The following USP3 variants were observed in gnomAD, a reference collection of about 807,000 sequenced individuals.
The protein encoded by USP3 is ubiquitin specific peptidase 3.
In USP3, 20 loss-of-function variants were observed where a neutral mutation model predicts 72.3. That is an observed-to-expected ratio of 0.28 (90% CI 0.19 to 0.40). The LOEUF is 0.40. USP3 is among the 10% of genes least tolerant of loss of function. The pLI is 1.00. For synonymous variants in USP3, 222 were observed against 225.3 expected, an observed-to-expected ratio of 0.99 and a Z score of 0.13; for missense variants, 479 against 633.9, an observed-to-expected ratio of 0.76 and a Z score of 2.62.
intron 11 of USP3, among the ~76,000 whole-genome samples, chr15:63,584,730 A>G (rs2067026730): frequency 6.6e-6 from 1 of 152,140 alleles, no homozygotes; most frequent in African/African-American, 2.4e-5. Flanking sequence ...GGTTCTCTTT[A>G]TAGTATCCCT....
intron 9 of USP3, among the ~76,000 whole-genome samples, chr15:63,571,456 A>G (rs2152678176): frequency 6.6e-6 from 1 of 152,354 alleles, no homozygotes; most frequent in South Asian, 2.1e-4. Context: ...ACTTCTCAAA[A>G]TGATTGTCCC....
intron 3 of USP3, among the ~76,000 whole-genome samples, chr15:63,546,746 C>T (rs1356339394): frequency 6.6e-6 from 1 of 152,084 alleles, no homozygotes; most frequent in African/African-American, 2.4e-5. Context: ...ACTACAGGTG[C>T]CCGCCACCAT....
chr15:63,521,006 C>T (rs1040107068), intron 1 of USP3, among the ~76,000 whole-genome samples: 11 of 152,242 alleles, frequency 7.2e-5, no homozygotes, highest in African/African-American at 2.4e-4. Flanking sequence ...CCGCTCACTC[C>T]TACCCACCCC....
intron 3 of USP3, among the ~76,000 whole-genome samples, chr15:63,547,387 C>T (rs1324476860): frequency 6.6e-6 from 1 of 151,814 alleles, no homozygotes; most frequent in Non-Finnish European, 1.5e-5. Flanking sequence ...GTTGTAAAAA[C>T]CTAAAAAAAA....
At chr15:63,533,362 CCA>C (rs140119527) in intron 2 of USP3, among the ~76,000 whole-genome samples, 2,208 of 152,192 alleles carry the variant, frequency 0.015, 58 homozygotes, top group African/African-American at 0.05. Context: ...TCACCCCACC[CCA>C]GTTTAAACCT....
At chr15:63,542,976 A>G (rs1567105704) in intron 3 of USP3, among the ~76,000 whole-genome samples, 1 of 152,212 alleles carries the variant, frequency 6.6e-6, no homozygotes, top group Non-Finnish European at 1.5e-5. Flanking sequence ...AGTAGAAAAC[A>G]GCAATGAGGA....
At chr15:63,508,429 G>C (rs1323254453) in intron 1 of USP3, among the ~76,000 whole-genome samples, 2 of 152,166 alleles carry the variant, frequency 1.3e-5, no homozygotes, top group African/African-American at 4.8e-5. Context: ...AGCTGGGGGA[G>C]AGACAGGAAG....
At chr15:63,587,610 AGT>A (rs2067099027) in intron 11 of USP3, 2 of 152,234 alleles carry the variant, frequency 1.3e-5, no homozygotes, top group Non-Finnish European at 1.5e-5. Context: ...GAAGATTTAC[AGT>A]GTTTTAGGCT....
intron 1 of USP3, chr15:63,530,670 A>G (rs1382424388): frequency 7.5e-6 from 3 of 399,136 alleles, no homozygotes; most frequent in South Asian, 1.8e-5. Context: ...CAAAATATTC[A>G]TAATATCTCA....
intron 14 of USP3, 54 bp downstream of exon 14, chr15:63,589,065 T>G: frequency 6.3e-7 from 1 of 1,588,620 alleles, no homozygotes; most frequent in South Asian, 1.1e-5. Flanking sequence ...GCCAGCCCAA[T>G]GACCTGCAGT....
At chr15:63,564,530 T>C (rs147749185) in intron 8 of USP3, among the ~76,000 whole-genome samples, 3 of 152,356 alleles carry the variant, frequency 2.0e-5, no homozygotes, top group African/African-American at 7.2e-5. Context: ...TCATATTTTA[T>C]ACAGTAGAAA....
chr15:63,514,958 A>G (rs1234032157), intron 1 of USP3, among the ~76,000 whole-genome samples: 2 of 152,186 alleles, frequency 1.3e-5, no homozygotes, highest in African/African-American at 4.8e-5. Flanking sequence ...TAAGTAGTTC[A>G]TGGCTTTTGT....
chr15:63,565,135 G>T (rs903663533), intron 8 of USP3, among the ~76,000 whole-genome samples: 10 of 152,290 alleles, frequency 6.6e-5, no homozygotes, highest in African/African-American at 2.4e-4. Flanking sequence ...CCTTTGGGAT[G>T]AAATATGAGG....
Position 63,570,600 on chromosome 15 carries a change from GT to G in USP3, c.908+27del, listed in dbSNP as rs1449226314. ...TGCATGTAAGATTTAGTTGCCTTCT[GT>G]TTTTTAGGAGGGCCTCAGACATTTC... is the stretch of plus-strand genomic sequence containing the variant. On this transcript the variant is annotated intron_variant, in intron 9 of 14. Coordinates refer to ENST00000380324, the MANE Select transcript of USP3 (RefSeq NM_006537.4). This position sits in a 1 kb window ranked among gnomAD's most constrained non-coding sequence, Gnocchi z 4.4. The G allele has an allele frequency of 4.4e-6, 7 of 1,593,748 alleles. No homozygotes were observed. The Admixed American group carries it at 5.2e-5, about 12-fold the overall frequency.
chr15:63,544,114 T>C lies in USP3; in HGVS notation c.284+6958T>C, dbSNP rs1418919331. 1 of 150,778 alleles carries C rather than the reference T, an allele frequency of 6.6e-6. No homozygotes were observed. The highest frequency in any genetic ancestry group is 6.6e-5 in the Admixed American group (1 of 15,118). The allele number at this position is 150,778 out of a possible 1,614,324, so 9.3% of individuals were successfully genotyped here. A position where few individuals can be genotyped will look rare whatever the true frequency, so the allele number is the denominator to read the frequency against. ...ATTGTGAATAGCAAGACATTTAATATAGTTTATTTCATCTCTAGCTCATTC... is the reference window on the plus strand; with the variant it reads ...ATTGTGAATAGCAAGACATTTAATACAGTTTATTTCATCTCTAGCTCATTC... On this transcript the variant is annotated intron_variant, in intron 3 of 14. Transcript: ENST00000380324. This position sits in a 1 kb window ranked among gnomAD's most constrained non-coding sequence, Gnocchi z 4.2.
At chr15:63,581,763 T>C (rs969770207) in intron 11 of USP3, among the ~76,000 whole-genome samples, 2 of 151,822 alleles carry the variant, frequency 1.3e-5, no homozygotes, top group African/African-American at 4.8e-5. Context: ...GGTGGGATCA[T>C]GGCTCACTGC....
intron 8 of USP3, among the ~76,000 whole-genome samples, chr15:63,567,186 C>T (rs886740689): frequency 6.6e-6 from 1 of 152,028 alleles, no homozygotes; most frequent in African/African-American, 2.4e-5. Flanking sequence ...TGCAAACTAA[C>T]GTTTTATTTG....
At position 63,573,438 on chromosome 15, in the gene USP3, A is replaced by G. The variant is rs146600628; in HGVS notation, c.909-608A>G. ...TATTCTTCATCTCCACAAGGAAATT[A>G]TTTGCAATATTAAGTGAGCTTTTTA... On this transcript the variant is annotated intron_variant, in intron 9 of 14. Coordinates refer to ENST00000380324, the MANE Select transcript of USP3 (RefSeq NM_006537.4). 5.2e-3 allele frequency among the ~76,000 whole-genome samples: 792 copies of G among 152,306 alleles called. 9 individuals carry two copies. Among genetic ancestry groups the G allele is most frequent in the African/African-American group, 0.018 (760 of 41,564 alleles).
chr15:63,558,089 T>G lies in USP3; in HGVS notation c.451-17T>G. ...TCCCTTGGCATTACTGATGGCCTCTTCTTGCACCACTTACAGGGAAGCACC... is the reference window on the plus strand; with the variant it reads ...TCCCTTGGCATTACTGATGGCCTCTGCTTGCACCACTTACAGGGAAGCACC... On this transcript the variant is annotated splice_polypyrimidine_tract_variant and intron_variant, in intron 5 of 14. Transcript: ENST00000380324. 6.2e-7 allele frequency: 1 copy of G among 1,614,166 alleles called. No individual in the cohort carries two copies. Among genetic ancestry groups the G allele is most frequent in the Non-Finnish European group, 8.5e-7 (1 of 1,180,006 alleles).
Sources: gnomAD v4.1 joint callset for allele counts (sites outside exome capture counted in the v4.1 genomes callset) on GRCh38, gnomAD v4.1.1 for gene constraint, Gnocchi (gnomAD v3.1) non-coding constraint, MANE v1.5 for transcripts, NCBI Gene and HGNC (gene_info 2026-07-23, HGNC 2026-07-21) for gene names.